Variants in AGPAT3 observed in about 807,000 individuals in gnomAD.
AGPAT3 encodes 1-acyl-sn-glycerol-3-phosphate acyltransferase gamma.
In AGPAT3, 5 loss-of-function variants were observed where a neutral mutation model predicts 47.3. That is an observed-to-expected ratio of 0.11 (90% CI 0.06 to 0.22). The LOEUF (loss-of-function observed/expected upper bound fraction) is 0.22. AGPAT3 is among the 10% of genes least tolerant of loss of function. AGPAT3 has a pLI of 1.00. For missense variants in AGPAT3, 315 were observed against 493.0 expected (o/e 0.64, Z 3.42); for synonymous variants, 212 against 208.3 (o/e 1.02, Z -0.15).
At chr21:43,878,833 C>T (rs563403970) in intron 1 of AGPAT3, among the ~76,000 whole-genome samples, 11 of 152,004 alleles carry the variant, frequency 7.2e-5, no homozygotes, top group African/African-American at 2.7e-4. Flanking sequence ...CTCCACCTCC[C>T]GGGTTCAAGC....
rs376824543 is a variant in AGPAT3, at chr21:43,959,836, G to T, written c.155G>T (p.Arg52Leu). 2 of 1,610,022 alleles carry T rather than the reference G, an allele frequency of 1.2e-6. No individual in the cohort carries two copies. Among genetic ancestry groups the T allele is most frequent in the Non-Finnish European group, 8.5e-7 (1 of 1,179,692 alleles). Residue 52 changes from arginine (R) to leucine (L), a missense_variant, in exon 3 of 10, where the codon CGC becomes CTC. Arg to Leu is a moderately radical substitution (Grantham distance 102). Transcript: ENST00000291572. ...CAGCTCTACCGCCGCCTCAACTGCC[G>T]CCTCGCCTACTCACTCTGGAGCCGT... The part of the protein sequence containing the change: ...SKQLYRRLNC[R>L]LAYSLWSQLV...
rs775266670 is a variant in AGPAT3 at position 43,939,229 on chromosome 21, G to A, written c.-48-20405G>A. Among the ~76,000 whole-genome samples the A allele has an allele frequency of 4.6e-5, 7 of 152,078 alleles. No individual in the cohort carries two copies. Among genetic ancestry groups the A allele is most frequent in the Non-Finnish European group, 8.8e-5 (6 of 67,994 alleles). The stretch of plus-strand genomic sequence containing the variant: ...GAATGCACTGGCCGGGCCTCCAGGG[G>A]GCGCTCCCTTAGGAACACCCCATCC... On this transcript the variant is annotated intron_variant, in intron 2 of 9. Transcript: ENST00000291572. This position sits in a 1 kb window ranked among gnomAD's most constrained non-coding sequence, Gnocchi z 4.4.
chr21:43,928,316 G>T (rs1177637245), intron 2 of AGPAT3, among the ~76,000 whole-genome samples: 2 of 152,232 alleles, frequency 1.3e-5, no homozygotes, highest in Non-Finnish European at 2.9e-5. Context: ...GCTCAGAAAC[G>T]CTGACACAGC....
chr21:43,931,922 CGTGTGTGTGTGTGTGTGT>C (rs55978822), intron 2 of AGPAT3, among the ~76,000 whole-genome samples: 16 of 145,714 alleles, frequency 1.1e-4, no homozygotes, highest in African/African-American at 1.6e-4. Context: ...AAGAGGATCT[CGTGTGTGTGTGTGTGTGT>C]GTGTGTGTGT....
rs540158213 is a variant in AGPAT3, at chr21:43,986,768, C to T, written c.*4376C>T. Among the ~76,000 whole-genome samples the T allele has an allele frequency of 5.3e-5, 8 of 152,320 alleles. No homozygotes were observed. Among genetic ancestry groups the T allele is most frequent in the African/African-American group, 9.6e-5 (4 of 41,570 alleles). On this transcript the variant is annotated 3_prime_UTR_variant, in exon 10 of 10. Transcript: ENST00000291572. ...TTTTCTATGATTGAAAATCTGCCAT[C>T]GCTGACTGTTGGCCAGTTTCAAAGG...
intron 3 of AGPAT3, among the ~76,000 whole-genome samples, chr21:43,960,191 C>T (rs938229926): frequency 3.3e-5 from 5 of 152,356 alleles, no homozygotes; most frequent in East Asian, 3.9e-4. Flanking sequence ...CATGGCCCCT[C>T]GTGTGTCCTG....
Position 43,929,544 on chromosome 21 carries a change from C to T in AGPAT3, c.-49+25525C>T, listed in dbSNP as rs75983374. Among the ~76,000 whole-genome samples the T allele has an allele frequency of 4.6e-3, 695 of 152,358 alleles. 27 individuals carry two copies. In the East Asian group the frequency reaches 0.11, roughly 23 times the overall value. ...AGTGGGATTGGCACACAGAACAAGA[C>T]GGTGCCGCCTGCTGGCCACAGCAAA... On this transcript the variant is annotated intron_variant, in intron 2 of 9. Transcript: ENST00000291572.
Position 43,934,152 on chromosome 21 carries a change from A to T in AGPAT3, c.-48-25482A>T, listed in dbSNP as rs2146303123. On this transcript the variant is annotated intron_variant, in intron 2 of 9. Coordinates refer to ENST00000291572, the MANE Select transcript of AGPAT3 (RefSeq NM_020132.5). This position sits in a 1 kb window ranked among gnomAD's most constrained non-coding sequence, Gnocchi z 4.7. ...GAACAGGCAGACATGGGTGCCCGGC[A>T]CGCCAGCTCCCCGAGCACCAGCTCC... Among the ~76,000 whole-genome samples the T allele has an allele frequency of 6.6e-6, 1 of 152,308 alleles. No individual in the cohort carries two copies. Among genetic ancestry groups the T allele is most frequent in the East Asian group, 1.9e-4 (1 of 5,180 alleles).
intron 2 of AGPAT3, among the ~76,000 whole-genome samples, chr21:43,943,015 C>T (rs190992124): frequency 1.3e-5 from 2 of 152,208 alleles, no homozygotes; most frequent in Admixed American, 6.5e-5. Flanking sequence ...GGGAGGCCCG[C>T]TCCCCAGGGC....
At chr21:43,949,428 G>T (rs2088074121) in intron 2 of AGPAT3, among the ~76,000 whole-genome samples, 1 of 152,164 alleles carries the variant, frequency 6.6e-6, no homozygotes, top group Non-Finnish European at 1.5e-5. Flanking sequence ...CTCCATGTGG[G>T]ACCACCTTCT....
At chr21:43,883,123 C>G (rs1055414437) in intron 1 of AGPAT3, among the ~76,000 whole-genome samples, 1 of 152,244 alleles carries the variant, frequency 6.6e-6, no homozygotes, top group African/African-American at 2.4e-5. Context: ...TTGCTCCTTC[C>G]CTTCCTGGCT....
At chr21:43,968,319 G>A (rs1357426187) in intron 4 of AGPAT3, among the ~76,000 whole-genome samples, 1 of 149,010 alleles carries the variant, frequency 6.7e-6, no homozygotes, top group Non-Finnish European at 1.5e-5. Flanking sequence ...GGCTGGGGGT[G>A]AGTGGGGGGT....
At chr21:43,870,882 G>A (rs1190007563) in intron 1 of AGPAT3, among the ~76,000 whole-genome samples, 2 of 152,196 alleles carry the variant, frequency 1.3e-5, no homozygotes, top group African/African-American at 4.8e-5. Context: ...AGGGGTGGCT[G>A]TGGTGAACAT....
intron 2 of AGPAT3, among the ~76,000 whole-genome samples, chr21:43,911,458 C>A (rs1676016530): frequency 6.6e-6 from 1 of 152,250 alleles, no homozygotes; most frequent in Admixed American, 6.5e-5. Context: ...CGAGGCCTGT[C>A]TGGGAAGATT....
At chr21:43,903,167 A>G (rs1208113326) in intron 1 of AGPAT3, among the ~76,000 whole-genome samples, 1 of 152,224 alleles carries the variant, frequency 6.6e-6, no homozygotes, top group Admixed American at 6.5e-5. Context: ...CATAAGGACA[A>G]ATAGTGTATG....
At position 43,969,099 on chromosome 21, in the gene AGPAT3, CT is replaced by C. The variant is rs759632406; in HGVS notation, c.349-18del. ...TCCGACGCTGAAGTGCCAGGTGCCCCTCCTTCTCCTCCCTCCAGAGCTCCAA... is the reference window on the plus strand; with the variant it reads ...TCCGACGCTGAAGTGCCAGGTGCCCCCCTTCTCCTCCCTCCAGAGCTCCAA... On this transcript the variant is annotated intron_variant, in intron 4 of 9. Coordinates refer to ENST00000291572, the MANE Select transcript of AGPAT3 (RefSeq NM_020132.5). 6 of 1,613,348 alleles carry C rather than the reference CT, an allele frequency of 3.7e-6. No individual in the cohort carries two copies. The Admixed American group carries it at 5.0e-5, about 13-fold the overall frequency.
chr21:43,958,643 G>A (rs893958024), intron 2 of AGPAT3, among the ~76,000 whole-genome samples: 6 of 130,786 alleles, frequency 4.6e-5, no homozygotes, highest in African/African-American at 7.6e-5. Context: ...TGTGGTTTGT[G>A]GTGTGGTGTG....
At chr21:43,885,843 G>T (rs1027624793) in intron 1 of AGPAT3, among the ~76,000 whole-genome samples, 3 of 146,862 alleles carry the variant, frequency 2.0e-5, no homozygotes, top group African/African-American at 4.9e-5. Context: ...GCGCAGGTGC[G>T]CAGGGCTCCT....
intron 2 of AGPAT3, among the ~76,000 whole-genome samples, chr21:43,950,358 A>G (rs2088131732): frequency 6.6e-6 from 1 of 152,206 alleles, no homozygotes; most frequent in Non-Finnish European, 1.5e-5. Context: ...AAATGCTGAT[A>G]AGGTTGGGCT....
Sources: gnomAD v4.1 joint callset for allele counts (sites outside exome capture counted in the v4.1 genomes callset) on GRCh38, gnomAD v4.1.1 for gene constraint, Gnocchi (gnomAD v3.1) non-coding constraint, MANE v1.5 for transcripts, NCBI Gene and HGNC (gene_info 2026-07-23, HGNC 2026-07-21) for gene names.